The following CACNA2D4 variants were observed in gnomAD, a reference collection of about 807,000 sequenced individuals.
CACNA2D4 encodes calcium voltage-gated channel auxiliary subunit alpha2delta 4, also known as voltage-dependent calcium channel subunit alpha-2/delta-4.
In CACNA2D4, 157 loss-of-function variants were observed where a neutral mutation model predicts 163.8. The observed-to-expected ratio is 0.96, with a 90% CI of 0.84 to 1.09. The LOEUF (loss-of-function observed/expected upper bound fraction) is 1.09. CACNA2D4 is among the 50% of genes least tolerant of loss of function. The pLI, the probability that CACNA2D4 is intolerant of heterozygous loss-of-function variation, is 0.00. For missense variants in CACNA2D4, 1,410 were observed against 1,479.9 expected, an observed-to-expected ratio of 0.95 and a Z score of 0.78; for synonymous variants, 598 against 586.9, an observed-to-expected ratio of 1.02 and a Z score of -0.27.
chr12:1,845,539 G>A (rs1365258790), intron 24 of CACNA2D4, among the ~76,000 whole-genome samples: 3 of 152,194 alleles, frequency 2.0e-5, no homozygotes, highest in Admixed American at 1.3e-4. Flanking sequence ...CGTGCTTAGC[G>A]AGAGGAGCAG....
intron 20 of CACNA2D4, 64 bp downstream of exon 20, chr12:1,858,513 C>T: frequency 6.8e-7 from 1 of 1,467,678 alleles, no homozygotes; most frequent in Non-Finnish European, 9.5e-7. Context: ...TGGCCCTGCC[C>T]AGTGTCCCAT....
At position 1,795,667 on chromosome 12, in the gene CACNA2D4, T is replaced by C. The variant is rs368458336; in HGVS notation, c.3226+1A>G. 4.4e-6 allele frequency: 7 copies of C among 1,588,238 alleles called. No individual in the cohort carries two copies. In the South Asian group the frequency reaches 6.6e-5, roughly 15 times the overall value. ...ACACATCCCCGAGCATTGCAGGATATATTTGACTTCTGTCGCCTCCTGCAG... is the reference window on the plus strand; with the variant it reads ...ACACATCCCCGAGCATTGCAGGATACATTTGACTTCTGTCGCCTCCTGCAG... On this transcript the variant is annotated splice_donor_variant, in intron 36 of 37. Coordinates refer to ENST00000382722, the MANE Select transcript of CACNA2D4 (RefSeq NM_172364.5). LOFTEE classifies it high-confidence loss of function.
chr12:1,806,791 T>C lies in CACNA2D4; in HGVS notation c.2721+3487A>G, dbSNP rs903062686. Among the ~76,000 whole-genome samples the C allele has an allele frequency of 2.0e-5, 3 of 152,142 alleles. No homozygotes were observed. Among genetic ancestry groups the C allele is most frequent in the Admixed American group, 6.5e-5 (1 of 15,280 alleles). On this transcript the variant is annotated intron_variant, in intron 29 of 37. Coordinates refer to ENST00000382722, the MANE Select transcript of CACNA2D4 (RefSeq NM_172364.5). The surrounding 1 kb of genome is among the most constrained non-coding windows in gnomAD (Gnocchi z 4.1). ...GTCTGGGGTGGGACCCTGGCAAATC[T>C]GCATCTCTAACAAGCTCCCAGATGC... is the stretch of plus-strand genomic sequence containing the variant.
At chr12:1,807,738 C>G (rs78552495) in intron 29 of CACNA2D4, among the ~76,000 whole-genome samples, 2,972 of 152,094 alleles carry the variant, frequency 0.02, 70 homozygotes, top group East Asian at 0.077. Context: ...CTCCCATAAC[C>G]CGACACAGTT....
intron 11 of CACNA2D4, 127 bp downstream of exon 11, chr12:1,884,641 A>G: frequency 1.5e-6 from 1 of 677,098 alleles, no homozygotes; most frequent in Non-Finnish European, 2.6e-6. Context: ...ATGCATCTGA[A>G]AGCAAGAATG....
chr12:1,916,224 G>A (rs1866973891), intron 1 of CACNA2D4, among the ~76,000 whole-genome samples: 2 of 152,138 alleles, frequency 1.3e-5, no homozygotes, highest in African/African-American at 4.8e-5. Flanking sequence ...GAGCTGAGGA[G>A]GGTGAAAAGT....
At chr12:1,910,625 T>C (rs1272993332) in intron 3 of CACNA2D4, among the ~76,000 whole-genome samples, 2 of 152,104 alleles carry the variant, frequency 1.3e-5, no homozygotes. Flanking sequence ...GATAAACCAA[T>C]AAACAAAATG....
At chr12:1,880,036 C>T (rs1865961771) in intron 13 of CACNA2D4, among the ~76,000 whole-genome samples, 155 bp from the exon 14 acceptor site, 1 of 152,220 alleles carries the variant, frequency 6.6e-6, no homozygotes, top group Non-Finnish European at 1.5e-5. Flanking sequence ...TGAGGATTCC[C>T]TTCTCTGCAA....
At chr12:1,865,232 G>T (rs1865621364) in intron 18 of CACNA2D4, among the ~76,000 whole-genome samples, 1 of 152,226 alleles carries the variant, frequency 6.6e-6, no homozygotes, top group Non-Finnish European at 1.5e-5. Context: ...TCTAGGCCTG[G>T]ATCGGGGCAC....
At chr12:1,860,652 T>C (rs1731738779) in intron 18 of CACNA2D4, among the ~76,000 whole-genome samples, 1 of 152,182 alleles carries the variant, frequency 6.6e-6, no homozygotes, top group African/African-American at 2.4e-5. Context: ...TGCTAAGAAC[T>C]TCTGGAGCCC....
At chr12:1,881,257 G>A (rs75323433) in intron 13 of CACNA2D4, among the ~76,000 whole-genome samples, 7,091 of 152,276 alleles carry the variant, frequency 0.047, 418 homozygotes, top group African/African-American at 0.14. Context: ...GGAGGTAAGA[G>A]AGCGTCAGAA....
chr12:1,850,705 C>G (rs1865257270), intron 23 of CACNA2D4, among the ~76,000 whole-genome samples: 1 of 151,934 alleles, frequency 6.6e-6, no homozygotes, highest in South Asian at 2.1e-4. Context: ...GAGATTGAGA[C>G]CATCCTGGCT....
At chr12:1,801,749 G>A in intron 29 of CACNA2D4, 105 bp from the exon 30 acceptor site, 1 of 720,184 alleles carries the variant, frequency 1.4e-6, no homozygotes, top group Non-Finnish European at 2.2e-6. Context: ...GGCTTTTGGT[G>A]CCAGTTGGGC....
chr12:1,827,017 AC>A (rs1018453537), intron 26 of CACNA2D4, among the ~76,000 whole-genome samples: 4 of 152,338 alleles, frequency 2.6e-5, no homozygotes, highest in Non-Finnish European at 4.4e-5. Flanking sequence ...TTACCCAGGG[AC>A]AAATCTGGCA....
chr12:1,858,224 C>T (rs1463431917), intron 20 of CACNA2D4, among the ~76,000 whole-genome samples: 1 of 152,206 alleles, frequency 6.6e-6, no homozygotes, highest in African/African-American at 2.4e-5. Flanking sequence ...GGCCTCCTTT[C>T]TCATCACCTT....
intron 18 of CACNA2D4, among the ~76,000 whole-genome samples, chr12:1,871,378 G>GGT (rs55901998): frequency 1.5e-5 from 2 of 135,594 alleles, no homozygotes; most frequent in Admixed American, 7.3e-5. Flanking sequence ...GTGTGCTGCT[G>GGT]GTGTGTGTGT....
At position 1,828,601 on chromosome 12, in the gene CACNA2D4, C is replaced by T. The variant is rs890236850; in HGVS notation, c.2551+12138G>A. On this transcript the variant is annotated intron_variant, in intron 26 of 37. Transcript: ENST00000382722. This position sits in a 1 kb window ranked among gnomAD's most constrained non-coding sequence, Gnocchi z 4.2. The stretch of plus-strand genomic sequence containing the variant: ...TGTCGGCCTGTGTCACAGACTGCGG[C>T]GAGCCCTTTTGCTCCCGTGGGGAAC... 6.6e-6 allele frequency among the ~76,000 whole-genome samples: 1 copy of T among 152,210 alleles called. No individual in the cohort carries two copies. Among genetic ancestry groups the T allele is most frequent in the Non-Finnish European group, 1.5e-5 (1 of 68,026 alleles).
At chr12:1,907,610 T>G in intron 5 of CACNA2D4, 39 bp from the exon 6 acceptor site, 1 of 1,587,552 alleles carries the variant, frequency 6.3e-7, no homozygotes, top group Non-Finnish European at 8.6e-7. Context: ...CTGTAGAACT[T>G]CTCAGGAAAA....
chr12:1,849,200 G>A (rs939761034), intron 23 of CACNA2D4, among the ~76,000 whole-genome samples: 8 of 152,136 alleles, frequency 5.3e-5, no homozygotes, highest in Admixed American at 4.6e-4. Flanking sequence ...AGAGAGCTAG[G>A]ATATCCTTTT....
Sources: gnomAD v4.1 joint callset for allele counts (sites outside exome capture counted in the v4.1 genomes callset) on GRCh38, gnomAD v4.1.1 for gene constraint, Gnocchi (gnomAD v3.1) non-coding constraint, MANE v1.5 for transcripts, NCBI Gene and HGNC (gene_info 2026-07-23, HGNC 2026-07-21) for gene names.